TTN: variants seen among roughly 807,000 people sequenced by gnomAD.
TTN encodes titin.
A neutral mutation model predicts 3,223.0 loss-of-function variants in TTN; 1,525 were observed. That is an observed-to-expected ratio of 0.47 (90% CI 0.45 to 0.49). The LOEUF is 0.49. TTN is among the 20% of genes least tolerant of loss of function. The pLI is 0.00. For missense variants in TTN, 40,786 were observed against 43,424.0 expected (o/e 0.94, Z 5.40); for synonymous variants, 14,094 against 15,161.0 (o/e 0.93, Z 5.17).
chr2:178,536,256 G>A lies in TTN; in HGVS notation c.100491C>T (p.His33497=). The change falls in exon 357 of 363, where the codon CAC becomes CAT. Residue 33497 remains histidine, a synonymous_variant. Transcript: ENST00000589042. Reference sequence around the variant, plus strand: ...TTAGATTTCTCAGTTCCTCTTTAAAGTGTGGTGCCTGAATTGGGACATCAG... The same window carrying A: ...TTAGATTTCTCAGTTCCTCTTTAAAATGTGGTGCCTGAATTGGGACATCAG... ...PKSDVPIQAP[H]FKEELRNLNV... is the part of the protein sequence containing the mutation. 2 of 1,613,572 alleles carry A rather than the reference G, an allele frequency of 1.2e-6. No homozygotes were observed. The highest frequency in any genetic ancestry group is 8.5e-7 in the Non-Finnish European group (1 of 1,179,690).
At position 178,572,542 on chromosome 2, in the gene TTN, C is replaced by T. The variant is rs372089626; in HGVS notation, c.73590G>A (p.Glu24530=). 3.7e-6 allele frequency: 6 copies of T among 1,613,412 alleles called. No homozygotes were observed. The highest frequency in any genetic ancestry group is 5.1e-6 in the Non-Finnish European group (6 of 1,179,598). Residue 24530 remains glutamate (E), a synonymous_variant, in exon 326 of 363, where the codon GAG becomes GAA. Coordinates refer to ENST00000589042, the MANE Select transcript of TTN (RefSeq NM_001267550.2). ...TGAGTGTGACAGATGTCTTAGTGAC[C>T]TCTTTTACCTTCAGATCCTGTGGGG... The part of the protein sequence containing the change: ...PGPPQDLKVK[E]VTKTSVTLTW...
At chr2:178,795,350 T>G in intron 6 of TTN, 98 bp from the exon 7 acceptor site, 1 of 1,136,340 alleles carries the variant, frequency 8.8e-7, no homozygotes, top group Non-Finnish European at 1.3e-6. Context: ...TAAGGCAGAG[T>G]TTTAAAATGT....
rs368343611 is a variant in TTN, at chr2:178,722,538, G to A, written c.22249C>T (p.Leu7417Phe). Residue 7417 changes from leucine (L) to phenylalanine (F), a missense_variant, in exon 77 of 363, where the codon CTC becomes TTC. Leu to Phe is a conservative substitution (Grantham distance 22, BLOSUM62 0). Coordinates refer to ENST00000589042, the MANE Select transcript of TTN (RefSeq NM_001267550.2). Reference protein sequence around the residue: ...KTVFRIQERQLPPSFARQLKD... With the variant: ...KTVFRIQERQFPPSFARQLKD... The stretch of plus-strand genomic sequence containing the variant: ...AATTGTCTTGCAAAAGAAGGTGGGA[G>A]TTGGCGCTCTGTAGGGAGACATGTA... The A allele has an allele frequency of 2.9e-5, 47 of 1,611,524 alleles. No individual in the cohort carries two copies. The highest frequency in any genetic ancestry group is 3.9e-5 in the Non-Finnish European group (46 of 1,178,500).
chr2:178,763,311 C>T (rs1013213814), intron 43 of TTN, among the ~76,000 whole-genome samples: 4 of 152,186 alleles, frequency 2.6e-5, no homozygotes, highest in Admixed American at 1.3e-4. Context: ...TAGCAGCTAA[C>T]TCTGATTGAT....
Position 178,578,680 on chromosome 2 carries a change from C to T in TTN, c.68260G>A (p.Asp22754Asn), listed in dbSNP as rs755823330. The T allele has an allele frequency of 1.4e-5, 22 of 1,611,544 alleles. No homozygotes were observed. Among genetic ancestry groups the T allele is most frequent in the Non-Finnish European group, 1.9e-5 (22 of 1,179,000 alleles). The change falls in exon 321 of 363, where the codon GAT (aspartate) becomes AAT (asparagine). Residue 22754 changes from aspartate (D) to asparagine (N), a missense_variant. Asp to Asn is a conservative substitution (Grantham distance 23, BLOSUM62 1). Transcript: ENST00000589042. ...AGAGATACTGAATCGTGTCTGACATCCACAATATTGGGAGGTGGGGGAGCA... is the reference window on the plus strand; with the variant it reads ...AGAGATACTGAATCGTGTCTGACATTCACAATATTGGGAGGTGGGGGAGCA... Reference protein sequence around the residue: ...PDAPPPPNIVDVRHDSVSLTW... With the variant: ...PDAPPPPNIVNVRHDSVSLTW...
At chr2:178,584,989 G>T (rs368099843) in intron 309 of TTN, 21 bp from the exon 310 acceptor site, 1 of 1,608,766 alleles carries the variant, frequency 6.2e-7, no homozygotes, top group Non-Finnish European at 8.5e-7. Flanking sequence ...CAAGAGGAAA[G>T]AAATGTAAGA....
In TTN at chr2:178,652,120, T is replaced by G. The variant is rs1355643167; in HGVS notation, c.39271A>C (p.Lys13091Gln). 1.2e-6 allele frequency: 2 copies of G among 1,612,850 alleles called. No homozygotes were observed. The highest frequency in any genetic ancestry group is 1.7e-6 in the Non-Finnish European group (2 of 1,179,682). ...EKKVPEAIPPKPESPPPEVFE... is the reference protein window; with the variant it reads ...EKKVPEAIPPQPESPPPEVFE... The stretch of plus-strand genomic sequence containing the variant: ...CCTTCAGGGGGAGGACTTTCCGGTT[T>G]GGGAGGAATAGCTTCAGGCACCTTC... Residue 13091 changes from lysine to glutamine, a missense_variant, in exon 204 of 363, where the codon AAA becomes CAA. Physicochemically the swap from Lys to Gln is moderately conservative, Grantham distance 53. Transcript: ENST00000589042.
intron 222 of TTN, 26 bp from the exon 223 acceptor site, chr2:178,639,814 G>A: frequency 6.5e-7 from 1 of 1,549,872 alleles, no homozygotes; most frequent in Non-Finnish European, 8.7e-7. Context: ...CATTGCATTA[G>A]TGTATCAATT....
At position 178,540,272 on chromosome 2, in the gene TTN, C is replaced by G; in HGVS notation, c.97894G>C (p.Val32632Leu). Residue 32632 changes from valine to leucine, a missense_variant, in exon 351 of 363, where the codon GTC becomes CTC. Val to Leu is a conservative substitution (Grantham distance 32). Coordinates refer to ENST00000589042, the MANE Select transcript of TTN (RefSeq NM_001267550.2). ...TGCATTTCAATCAAGTAGCCTGTGA[C>G]TTTAGATCCTCCTTCATCTTCTGGA... ...SVPEDEGGSKVTGYLIEMQKV... is the reference protein window; with the variant it reads ...SVPEDEGGSKLTGYLIEMQKV... 1 of 1,613,798 alleles carries G rather than the reference C, an allele frequency of 6.2e-7. No individual in the cohort carries two copies. The highest frequency in any genetic ancestry group is 2.2e-5 in the East Asian group (1 of 44,866).
chr2:178,532,568 G>T lies in TTN; in HGVS notation c.104047C>A (p.Leu34683Ile). The change falls in exon 358 of 363, where the codon CTT becomes ATT. Residue 34683 changes from leucine (L) to isoleucine (I), a missense_variant. Transcript: ENST00000589042. ...MKRTEEERLR[L>I]EEELELGFSA... ...AAACCTAACTCAAGCTCTTCTTCAA[G>T]ACGCAGCCTCTCTTCCTCTGTTCTT... 1 of 1,613,978 alleles carries T rather than the reference G, an allele frequency of 6.2e-7. No individual in the cohort carries two copies. Among genetic ancestry groups the T allele is most frequent in the Non-Finnish European group, 8.5e-7 (1 of 1,179,872 alleles).
At position 178,739,812 on chromosome 2, in the gene TTN, C is replaced by T; in HGVS notation, c.13421G>A (p.Arg4474Lys). Residue 4474 changes from arginine to lysine, a missense_variant, in exon 48 of 363, where the codon AGG (arginine) becomes AAG (lysine). Coordinates refer to ENST00000589042, the MANE Select transcript of TTN (RefSeq NM_001267550.2). ...ATATATAATAGCACACAAAGCATCCCTAAGTTCCATTTTCAGGTTAGCCAT... is the reference window on the plus strand; with the variant it reads ...ATATATAATAGCACACAAAGCATCCTTAAGTTCCATTTTCAGGTTAGCCAT... The part of the protein sequence containing the change: ...PQMANLKMEL[R>K]DALCAIIYEE... 6.2e-7 allele frequency: 1 copy of T among 1,613,846 alleles called. No homozygotes were observed. Among genetic ancestry groups the T allele is most frequent in the East Asian group, 2.2e-5 (1 of 44,854 alleles).
rs1412324143 is a variant in TTN at position 178,570,423 on chromosome 2, T to C, written c.75709A>G (p.Ile25237Val). Residue 25237 changes from isoleucine to valine, a missense_variant, in exon 326 of 363, where the codon ATC (isoleucine) becomes GTC (valine). By Grantham distance (29) the Ile-to-Val change is conservative. Coordinates refer to ENST00000589042, the MANE Select transcript of TTN (RefSeq NM_001267550.2). The stretch of plus-strand genomic sequence containing the variant: ...CTCCTTTCCACAATATAATTTATGA[T>C]GTCACTCCCACCATCCTGAAGTGGG... ...KPPLQDGGSD[I>V]INYIVERRET... The C allele has an allele frequency of 1.2e-6, 2 of 1,613,222 alleles. No individual in the cohort carries two copies. The highest frequency in any genetic ancestry group is 8.5e-7 in the Non-Finnish European group (1 of 1,179,574).
chr2:178,544,053 A>G lies in TTN; in HGVS notation c.96091T>C (p.Ser32031Pro). The change falls in exon 346 of 363, where the codon TCC becomes CCC. Residue 32031 changes from serine to proline, a missense_variant. Coordinates refer to ENST00000589042, the MANE Select transcript of TTN (RefSeq NM_001267550.2). ...KKTVTIRAGA[S>P]LRLMVSVSGR... ...GATACAGACACCATCAAGCGCAAGG[A>G]GGCCCCAGCCCTGATGGTCACAGTC... 6.2e-7 allele frequency: 1 copy of G among 1,613,688 alleles called. No individual in the cohort carries two copies. The highest frequency in any genetic ancestry group is 8.5e-7 in the Non-Finnish European group (1 of 1,179,678).
rs776984127 is a variant in TTN, at chr2:178,664,860, G to A, written c.36110C>T (p.Ser12037Leu). 9.3e-6 allele frequency: 15 copies of A among 1,611,422 alleles called. No individual in the cohort carries two copies. In the East Asian group the frequency reaches 3.3e-4, roughly 36 times the overall value. ...AGCATGGTGACTTGTACCTTTAACT[G>A]ATGGGGGTTCTCTTTTTTTGGAAGG... ...TVPSKKREPP[S>L]VKVPEALQEI... is the part of the protein sequence containing the mutation. Residue 12037 changes from serine to leucine, a missense_variant, in exon 166 of 363, where the codon TCA (serine) becomes TTA (leucine). Ser to Leu is a moderately radical substitution (Grantham distance 145). Coordinates refer to ENST00000589042, the MANE Select transcript of TTN (RefSeq NM_001267550.2).
At position 178,563,445 on chromosome 2, in the gene TTN, G is replaced by T. The variant is rs72648214; in HGVS notation, c.82687C>A (p.Arg27563Ser). ...GGTGGATACAAGGCATCACACGCACGGTAGAAAACAGATGGCTCACTAGGT... is the reference window on the plus strand; with the variant it reads ...GGTGGATACAAGGCATCACACGCACTGTAGAAAACAGATGGCTCACTAGGT... ...GEPSEPSVFY[R>S]ACDALYPPGP... The change falls in exon 326 of 363, where the codon CGT (arginine) becomes AGT (serine). Residue 27563 changes from arginine (R) to serine (S), a missense_variant. Coordinates refer to ENST00000589042, the MANE Select transcript of TTN (RefSeq NM_001267550.2). This position sits in a 1 kb window ranked among gnomAD's most constrained non-coding sequence, Gnocchi z 4.5. 1 of 1,613,518 alleles carries T rather than the reference G, an allele frequency of 6.2e-7. No homozygotes were observed. Among genetic ancestry groups the T allele is most frequent in the Non-Finnish European group, 8.5e-7 (1 of 1,179,714 alleles).
At chr2:178,653,199 G>T (rs746359909) in intron 198 of TTN, 39 bp downstream of exon 198, 1 of 1,610,920 alleles carries the variant, frequency 6.2e-7, no homozygotes, top group Admixed American at 1.7e-5. Flanking sequence ...AACTGCAAAA[G>T]AATTAGATCA....
Position 178,569,262 on chromosome 2 carries a change from G to C in TTN, c.76870C>G (p.Pro25624Ala). ...TTGGATCCCCCATCCAACAAAGGAGGTTCCCATGTAATTGATACTGAGTCT... is the reference window on the plus strand; with the variant it reads ...TTGGATCCCCCATCCAACAAAGGAGCTTCCCATGTAATTGATACTGAGTCT... Reference protein sequence around the residue: ...TKDSVSITWEPPLLDGGSKIK... With the variant: ...TKDSVSITWEAPLLDGGSKIK... Residue 25624 changes from proline to alanine, a missense_variant, in exon 326 of 363, where the codon CCT becomes GCT. Physicochemically the swap from Pro to Ala is conservative, Grantham distance 27. Transcript: ENST00000589042. The C allele has an allele frequency of 6.2e-7, 1 of 1,605,626 alleles. No homozygotes were observed. Among genetic ancestry groups the C allele is most frequent in the South Asian group, 1.1e-5 (1 of 89,758 alleles).
intron 112 of TTN, among the ~76,000 whole-genome samples, chr2:178,698,015 A>C (rs1413558977): frequency 6.6e-6 from 1 of 152,222 alleles, no homozygotes; most frequent in East Asian, 1.9e-4. Context: ...GGATGAATAC[A>C]TAAGGAAAAG....
intron 133 of TTN, among the ~76,000 whole-genome samples, chr2:178,683,570 G>A (rs2070005838): frequency 6.6e-6 from 1 of 152,034 alleles, no homozygotes; most frequent in African/African-American, 2.4e-5. Context: ...ATCAAACTAA[G>A]TAGAAGCATT....
Sources: gnomAD v4.1 joint callset for allele counts (sites outside exome capture counted in the v4.1 genomes callset) on GRCh38, gnomAD v4.1.1 for gene constraint, Gnocchi (gnomAD v3.1) non-coding constraint, MANE v1.5 for transcripts, NCBI Gene and HGNC (gene_info 2026-07-23, HGNC 2026-07-21) for gene names.